The following CDK14 variants were observed in gnomAD, a reference collection of about 807,000 sequenced individuals.
The protein encoded by CDK14 is cyclin dependent kinase 14.
In CDK14, 34 loss-of-function variants were observed where a neutral mutation model predicts 60.7. That is an observed-to-expected ratio of 0.56 (90% CI 0.43 to 0.75). The LOEUF (loss-of-function observed/expected upper bound fraction) is 0.75, where lower values mean the gene tolerates loss of function less well. Ranked by LOEUF, CDK14 falls within the 30% of genes least tolerant of loss-of-function variation. CDK14 has a pLI of 0.00. For missense variants in CDK14, 482 were observed against 564.1 expected (o/e 0.85, Z 1.47); for synonymous variants, 197 against 203.7 (o/e 0.97, Z 0.28).
chr7:90,690,981 G>A (rs1295661809), intron 2 of CDK14, among the ~76,000 whole-genome samples: 18 of 152,152 alleles, frequency 1.2e-4, no homozygotes, highest in Non-Finnish European at 1.2e-4. Flanking sequence ...TTCCCTTGGT[G>A]CTCAGTTCAG....
chr7:90,647,123 A>C (rs974579829), intron 2 of CDK14, among the ~76,000 whole-genome samples: 3 of 152,134 alleles, frequency 2.0e-5, no homozygotes, highest in African/African-American at 7.2e-5. Context: ...TTTATAAGCC[A>C]TTAAATTATT....
At chr7:90,973,733 T>C (rs1407540133) in intron 9 of CDK14, among the ~76,000 whole-genome samples, 1 of 144,818 alleles carries the variant, frequency 6.9e-6, no homozygotes, top group Non-Finnish European at 1.5e-5. Flanking sequence ...GCAATTTTTT[T>C]TAGGGATTTT....
At chr7:90,934,212 T>A (rs747942410) in intron 8 of CDK14, among the ~76,000 whole-genome samples, 29 of 152,370 alleles carry the variant, frequency 1.9e-4, no homozygotes, top group Non-Finnish European at 4.0e-4. Context: ...AGCTGGAACC[T>A]GCTGCCAGTC....
intron 8 of CDK14, among the ~76,000 whole-genome samples, chr7:90,932,380 C>G (rs1793620559): frequency 6.6e-6 from 1 of 152,180 alleles, no homozygotes; most frequent in South Asian, 2.1e-4. Context: ...AATTATGGTC[C>G]AATTAACAAA....
At chr7:91,026,108 G>A (rs1796563244) in intron 10 of CDK14, among the ~76,000 whole-genome samples, 1 of 152,084 alleles carries the variant, frequency 6.6e-6, no homozygotes, top group South Asian at 2.1e-4. Flanking sequence ...TTGACAGGCA[G>A]TCTTCTAAGG....
chr7:91,008,552 G>C (rs1331874990), intron 10 of CDK14, among the ~76,000 whole-genome samples: 3 of 151,986 alleles, frequency 2.0e-5, no homozygotes, highest in Admixed American at 6.5e-5. Flanking sequence ...TTATTTGGCA[G>C]TAATTTTTTT....
At chr7:90,665,690 A>T (rs920050664) in intron 2 of CDK14, among the ~76,000 whole-genome samples, 1 of 152,166 alleles carries the variant, frequency 6.6e-6, no homozygotes, top group African/African-American at 2.4e-5. Context: ...TTTGGAAAGG[A>T]ATTTTCTAGT....
intron 6 of CDK14, among the ~76,000 whole-genome samples, chr7:90,881,830 C>T (rs1255807801): frequency 6.6e-6 from 1 of 152,116 alleles, no homozygotes; most frequent in Non-Finnish European, 1.5e-5. Context: ...TCATATCCAG[C>T]CAGACTAAGC....
At chr7:90,658,619 T>C (rs908825521) in intron 2 of CDK14, among the ~76,000 whole-genome samples, 2 of 152,246 alleles carry the variant, frequency 1.3e-5, no homozygotes, top group Non-Finnish European at 2.9e-5. Flanking sequence ...ATCCTTGTTG[T>C]AGCGTGTATC....
intron 5 of CDK14, among the ~76,000 whole-genome samples, chr7:90,827,978 TTAAAA>T (rs1223485495): frequency 6.6e-6 from 1 of 152,182 alleles, no homozygotes; most frequent in Non-Finnish European, 1.5e-5. Flanking sequence ...AAATCACATT[TTAAAA>T]TAAAAGAAAT....
At chr7:90,853,089 A>T (rs935869386) in intron 5 of CDK14, among the ~76,000 whole-genome samples, 1 of 152,052 alleles carries the variant, frequency 6.6e-6, no homozygotes, top group African/African-American at 2.4e-5. Context: ...TTATGATCAG[A>T]TCTGCTGATT....
At chr7:90,895,856 A>G (rs1792321262) in intron 6 of CDK14, among the ~76,000 whole-genome samples, 1 of 150,670 alleles carries the variant, frequency 6.6e-6, no homozygotes, top group Admixed American at 6.6e-5. Context: ...GATTACAGAC[A>G]TAAGCCACCA....
intron 5 of CDK14, among the ~76,000 whole-genome samples, chr7:90,847,127 A>G (rs990253983): frequency 5.3e-5 from 8 of 152,166 alleles, no homozygotes; most frequent in Non-Finnish European, 7.3e-5. Flanking sequence ...ATGCCAAGCA[A>G]TCTGGAGGTG....
rs545998253 is a variant in CDK14, at chr7:90,647,581, A to G, written c.123+43332A>G. 5.9e-5 allele frequency among the ~76,000 whole-genome samples: 9 copies of G among 152,064 alleles called. No individual in the cohort carries two copies. The East Asian group carries it at 1.5e-3, about 26-fold the overall frequency. ...TGTTGGTAAAGTTGTTTGGCGAGTTAAAACTTCATGGGCAACTAATTCCTC... is the reference window on the plus strand; with the variant it reads ...TGTTGGTAAAGTTGTTTGGCGAGTTGAAACTTCATGGGCAACTAATTCCTC... On this transcript the variant is annotated intron_variant, in intron 2 of 14. Coordinates refer to ENST00000380050, the MANE Select transcript of CDK14 (RefSeq NM_001287135.2).
chr7:90,902,185 C>T (rs1208186682), intron 7 of CDK14, among the ~76,000 whole-genome samples: 4 of 152,038 alleles, frequency 2.6e-5, no homozygotes, highest in Non-Finnish European at 5.9e-5. Context: ...AAGCAATCTA[C>T]AGATTCAATA....
intron 4 of CDK14, among the ~76,000 whole-genome samples, chr7:90,747,999 A>T (rs1319571202): frequency 1.4e-5 from 2 of 147,406 alleles, no homozygotes; most frequent in Non-Finnish European, 3.0e-5. Flanking sequence ...TTTCTGTTTA[A>T]TGCGCCTCCC....
intron 6 of CDK14, among the ~76,000 whole-genome samples, chr7:90,895,115 G>A (rs950425338): frequency 1.1e-4 from 17 of 151,884 alleles, no homozygotes; most frequent in African/African-American, 1.4e-4. Flanking sequence ...TTGAAGATTC[G>A]GAGCATTTTT....
intron 14 of CDK14, among the ~76,000 whole-genome samples, chr7:91,152,110 AT>A (rs1800843974): frequency 6.6e-6 from 1 of 152,192 alleles, no homozygotes; most frequent in South Asian, 2.1e-4. Context: ...CGGAAAAATT[AT>A]AGCTCCCCAC....
chr7:91,137,950 C>G (rs1584113908), intron 14 of CDK14, among the ~76,000 whole-genome samples: 1 of 152,072 alleles, frequency 6.6e-6, no homozygotes, highest in African/African-American at 2.4e-5. Flanking sequence ...CTCTGGCATT[C>G]CTTGGACAGT....
Sources: gnomAD v4.1 joint callset for allele counts (sites outside exome capture counted in the v4.1 genomes callset) on GRCh38, gnomAD v4.1.1 for gene constraint, MANE v1.5 for transcripts, NCBI Gene and HGNC (gene_info 2026-07-23, HGNC 2026-07-21) for gene names.